The following PPEF1 variants were observed in gnomAD, a reference collection of about 807,000 sequenced individuals.
The protein encoded by PPEF1 is protein phosphatase with EF-hand domain 1.
Under a neutral mutation model 53.3 loss-of-function variants are expected in PPEF1, and 12 were observed. That is an observed-to-expected ratio of 0.23 (90% CI 0.14 to 0.36). The LOEUF is 0.36. Among genes scored for constraint, PPEF1 ranks in the 10% least tolerant of loss-of-function variants. The pLI is 1.00. For synonymous variants in PPEF1, 165 were observed against 176.7 expected (o/e 0.93, Z 0.52); for missense variants, 334 against 490.4 (o/e 0.68, Z 3.01).
At chrX:18,719,634 A>G (rs1215123507) in intron 1 of PPEF1, among the ~76,000 whole-genome samples, 1 of 111,328 alleles carries the variant, frequency 9.0e-6, no homozygotes, top group African/African-American at 3.3e-5. Flanking sequence ...GTCATGAGCC[A>G]CTGCACCCAG....
At chrX:18,791,673 CT>C (rs904745662) in intron 10 of PPEF1, among the ~76,000 whole-genome samples, 1 of 110,850 alleles carries the variant, frequency 9.0e-6, no homozygotes, top group South Asian at 3.8e-4. Context: ...TTTTCTTTTC[CT>C]TTTTTTTCTT....
rs746264611 is a variant in PPEF1 at position 18,788,267 on chromosome X, T to A, written c.913-854T>A. The stretch of plus-strand genomic sequence containing the variant: ...TTGCAGTGAGCCGAGATCGCGCCAC[T>A]GCACTCCAGCCTGGGGGACAGAGCA... On this transcript the variant is annotated intron_variant, in intron 9 of 15. Coordinates refer to ENST00000470157, the MANE Select transcript of PPEF1 (RefSeq NM_001377996.1). 2.7e-4 allele frequency among the ~76,000 whole-genome samples: 23 copies of A among 86,490 alleles called. 1 individual carries two copies. Among genetic ancestry groups the A allele is most frequent in the Non-Finnish European group, 4.2e-4 (20 of 47,623 alleles). 75.1% of individuals were successfully genotyped at this position (86,490 alleles called of 115,157 possible).
upstream of PPEF1, among the ~76,000 whole-genome samples, chrX:18,682,694 G>A (rs865845662): frequency 4.5e-5 from 5 of 112,084 alleles, no homozygotes; most frequent in African/African-American, 6.5e-5. Context: ...GAGTCCTAAT[G>A]ATCTGTGTCT....
intron 10 of PPEF1, among the ~76,000 whole-genome samples, chrX:18,799,698 T>C (rs1023728421): frequency 5.4e-5 from 6 of 111,805 alleles, no homozygotes; most frequent in Non-Finnish European, 1.1e-4. Context: ...GACCAGGTCA[T>C]ATAAAAGCTG....
intron 3 of PPEF1, among the ~76,000 whole-genome samples, chrX:18,737,655 T>C (rs1264277349): frequency 9.0e-6 from 1 of 111,690 alleles, no homozygotes; most frequent in Non-Finnish European, 1.9e-5. Context: ...GGTGCAGAGC[T>C]GAGTTCAGTT....
intron 6 of PPEF1, among the ~76,000 whole-genome samples, chrX:18,701,811 A>G (rs1297652305): frequency 8.9e-6 from 1 of 112,641 alleles, no homozygotes; most frequent in African/African-American, 3.2e-5. Flanking sequence ...CCTTAGTCCT[A>G]GAATAATAAA....
chrX:18,750,792 A>T (rs987105224), intron 4 of PPEF1, among the ~76,000 whole-genome samples: 4 of 111,791 alleles, frequency 3.6e-5, no homozygotes, highest in African/African-American at 1.3e-4. Flanking sequence ...TTCTACCAGC[A>T]ATCTATCTTC....
upstream of PPEF1, chrX:18,675,831 G>A (rs1368944649): frequency 9.0e-6 from 1 of 110,591 alleles, no homozygotes; most frequent in East Asian, 2.9e-4. Context: ...CCATCACAAA[G>A]GGTGATTCTT....
Position 18,783,979 on chromosome X carries a change from C to T in PPEF1, c.843C>T (p.Ile281=). The stretch of plus-strand genomic sequence containing the variant: ...TCGGTACAATCGTTGACAATGAAAT[C>T]CTGGTCATCCATGGTGGGATATCAG... ...LPIGTIVDNE[I]LVIHGGISET... is the part of the protein sequence containing the mutation. Residue 281 remains isoleucine (I), a synonymous_variant, in exon 9 of 16, where the codon ATC becomes ATT. Coordinates refer to ENST00000470157, the MANE Select transcript of PPEF1 (RefSeq NM_001377996.1). 8.3e-7 allele frequency: 1 copy of T among 1,208,826 alleles called. No individual in the cohort carries two copies. Among genetic ancestry groups the T allele is most frequent in the Non-Finnish European group, 1.1e-6 (1 of 893,093 alleles).
At chrX:18,709,286 T>C (rs1331822529) in intron 1 of PPEF1, among the ~76,000 whole-genome samples, 2 of 111,867 alleles carry the variant, frequency 1.8e-5, no homozygotes, top group African/African-American at 6.5e-5. Flanking sequence ...CACAAATCTA[T>C]ATTCAGTCTC....
intron 1 of PPEF1, among the ~76,000 whole-genome samples, chrX:18,714,476 T>A (rs2147308870): frequency 9.0e-6 from 1 of 110,733 alleles, no homozygotes; most frequent in Admixed American, 9.6e-5. Context: ...CTTCACCATG[T>A]TGGCCAGGCT....
intron 1 of PPEF1, among the ~76,000 whole-genome samples, chrX:18,709,502 G>GTT (rs752416903): frequency 0.051 from 5,109 of 100,960 alleles, 210 homozygotes; most frequent in South Asian, 0.15. Flanking sequence ...TTTGTTTTTT[G>GTT]TTTTTTGTTT....
chrX:18,719,922 GCAAACA>G (rs1380087877), intron 1 of PPEF1, among the ~76,000 whole-genome samples: 1 of 111,717 alleles, frequency 9.0e-6, no homozygotes, highest in East Asian at 2.8e-4. Context: ...TTGTAAAGAG[GCAAACA>G]CTTCTACAGT....
At chrX:18,787,989 G>C (rs1302694547) in intron 9 of PPEF1, among the ~76,000 whole-genome samples, 1 of 110,915 alleles carries the variant, frequency 9.0e-6, no homozygotes, top group Non-Finnish European at 1.9e-5. Flanking sequence ...AAAAATAAAG[G>C]TAAGATTTCC....
chrX:18,786,788 AAAAAAAAAAAAAG>A (rs1382197051), intron 9 of PPEF1, among the ~76,000 whole-genome samples: 1 of 91,626 alleles, frequency 1.1e-5, no homozygotes, highest in Non-Finnish European at 2.2e-5. Flanking sequence ...CTCAAAAAAA[AAAAAAAAAAAAAG>A]AAAAGAAAAG....
chrX:18,811,609 ATATATATTTT>A (rs1389876764), intron 12 of PPEF1, among the ~76,000 whole-genome samples: 8 of 23,140 alleles, frequency 3.5e-4, no homozygotes, highest in African/African-American at 1.5e-3. Context: ...ATATATATAT[ATATATATTTT>A]TTTTTTTTTT....
At chrX:18,718,105 A>C (rs1374710528) in intron 1 of PPEF1, among the ~76,000 whole-genome samples, 2 of 112,134 alleles carry the variant, frequency 1.8e-5, no homozygotes, top group Non-Finnish European at 3.8e-5. Flanking sequence ...TGTATGAAAC[A>C]GACAAAACAA....
At chrX:18,783,677 C>A (rs2046140594) in intron 8 of PPEF1, among the ~76,000 whole-genome samples, 1 of 108,188 alleles carries the variant, frequency 9.2e-6, no homozygotes, top group African/African-American at 3.4e-5. Flanking sequence ...AAGGTGGCGC[C>A]ACTGCACTCC....
chrX:18,681,347 A>C (rs1216629122), upstream of PPEF1, among the ~76,000 whole-genome samples: 1 of 112,304 alleles, frequency 8.9e-6, no homozygotes, highest in African/African-American at 3.2e-5. Flanking sequence ...GACTGGAATG[A>C]AAGATCCATG....
Sources: allele counts gnomAD v4.1 joint callset (sites outside exome capture counted in the v4.1 genomes callset), GRCh38; gene constraint gnomAD v4.1.1; transcripts MANE v1.5; gene names NCBI Gene and HGNC (gene_info 2026-07-23, HGNC 2026-07-21).